CNTNAP4: variants seen among roughly 807,000 people sequenced by gnomAD.
The protein encoded by CNTNAP4 is contactin associated protein family member 4, also known as contactin-associated protein-like 4.
In CNTNAP4, 98 loss-of-function variants were observed where a neutral mutation model predicts 148.4. That is an observed-to-expected ratio of 0.66 (90% CI 0.56 to 0.78). The LOEUF is 0.78. CNTNAP4 is among the 30% of genes least tolerant of loss of function. The pLI is 0.00. For synonymous variants in CNTNAP4, 730 were observed against 565.1 expected (o/e 1.29, Z -4.14); for missense variants, 1,935 against 1,565.6 (o/e 1.24, Z -3.98).
At chr16:76,403,660 C>G (rs551579701) in intron 3 of CNTNAP4, among the ~76,000 whole-genome samples, 1 of 152,134 alleles carries the variant, frequency 6.6e-6, no homozygotes, top group Non-Finnish European at 1.5e-5. Context: ...GAGCTAAGAA[C>G]AGAACCACCA....
At chr16:76,310,370 A>G (rs1470225446) in intron 1 of CNTNAP4, among the ~76,000 whole-genome samples, 1 of 152,194 alleles carries the variant, frequency 6.6e-6, no homozygotes, top group Non-Finnish European at 1.5e-5. Flanking sequence ...ACATAATTCC[A>G]TACTTTCTTA....
At chr16:76,348,472 T>C (rs1965099873) in intron 2 of CNTNAP4, among the ~76,000 whole-genome samples, 1 of 151,966 alleles carries the variant, frequency 6.6e-6, no homozygotes, top group African/African-American at 2.4e-5. Flanking sequence ...AGAGCAAAGG[T>C]CTGAGACCTG....
intron 7 of CNTNAP4, 64 bp from the exon 8 acceptor site, chr16:76,452,444 A>T: frequency 6.5e-7 from 1 of 1,550,104 alleles, no homozygotes; most frequent in Non-Finnish European, 8.8e-7. Context: ...AGCAGCCTTC[A>T]AATTCTGTTA....
At position 76,539,843 on chromosome 16, in the gene CNTNAP4, C is replaced by G. The variant is rs201298653; in HGVS notation, c.3345C>G (p.Val1115=). Residue 1115 remains valine, a synonymous_variant, in exon 20 of 24, where the codon GTC becomes GTG. Coordinates refer to ENST00000611870, the MANE Select transcript of CNTNAP4 (RefSeq NM_033401.5). ...TGATTAACAGAGAAGAAGGAGTGGT[C>G]TTTATAGAGGTAATGTAGTAAATTC... ...HIMINREEGV[V]FIEIDDNRRR... 207 of 1,590,414 alleles carry G rather than the reference C, an allele frequency of 1.3e-4. 1 individual carries two copies. The African/African-American group carries it at 2.3e-3, about 18-fold the overall frequency.
At chr16:76,549,868 T>A (rs1555603842) in intron 21 of CNTNAP4, among the ~76,000 whole-genome samples, 3 of 152,054 alleles carry the variant, frequency 2.0e-5, no homozygotes, top group Non-Finnish European at 2.9e-5. Flanking sequence ...TCTAAGAGAA[T>A]AAAAAGGAAG....
chr16:76,552,664 AG>A, intron 21 of CNTNAP4, among the ~76,000 whole-genome samples: 1 of 152,180 alleles, frequency 6.6e-6, no homozygotes, highest in Non-Finnish European at 1.5e-5. Context: ...AGGGGTATAA[AG>A]GGTTTTATTG....
Position 76,320,652 on chromosome 16 carries a change from A to C in CNTNAP4, c.196+4129A>C, listed in dbSNP as rs16944208. On this transcript the variant is annotated intron_variant, in intron 2 of 23. Transcript: ENST00000611870. ...ATGGGCAATTTAAAGTTAAGTGTAC[A>C]TTGACTCTTAGTGTTGTCAATGTAG... Among the ~76,000 whole-genome samples the C allele has an allele frequency of 6.8e-3, 1,028 of 152,284 alleles. 8 individuals carry two copies. Among genetic ancestry groups the C allele is most frequent in the African/African-American group, 0.024 (996 of 41,562 alleles).
chr16:76,408,752 T>A (rs1053818018), intron 3 of CNTNAP4, among the ~76,000 whole-genome samples: 3 of 151,946 alleles, frequency 2.0e-5, no homozygotes, highest in Non-Finnish European at 4.4e-5. Flanking sequence ...ATTATTACTA[T>A]TTTTTTAACA....
At chr16:76,433,981 G>A (rs1328829820) in intron 4 of CNTNAP4, among the ~76,000 whole-genome samples, 1 of 151,572 alleles carries the variant, frequency 6.6e-6, no homozygotes, top group East Asian at 1.9e-4. Context: ...CAAGTGGAGT[G>A]TATTAGGGTT....
At chr16:76,406,207 A>G (rs539528882) in intron 3 of CNTNAP4, among the ~76,000 whole-genome samples, 3 of 152,302 alleles carry the variant, frequency 2.0e-5, no homozygotes, top group Non-Finnish European at 2.9e-5. Flanking sequence ...TTAAATTATT[A>G]TTATATGTTA....
At chr16:76,473,716 G>A (rs1382576865) in intron 10 of CNTNAP4, among the ~76,000 whole-genome samples, 2 of 152,134 alleles carry the variant, frequency 1.3e-5, no homozygotes, top group African/African-American at 4.8e-5. Flanking sequence ...GGAGCTTGCA[G>A]TGAGCCAAGA....
chr16:76,324,663 T>C (rs954156740), intron 2 of CNTNAP4, among the ~76,000 whole-genome samples: 1 of 152,096 alleles, frequency 6.6e-6, no homozygotes, highest in Non-Finnish European at 1.5e-5. Context: ...AATTTAGAAA[T>C]GTTAGCTGCC....
At position 76,425,952 on chromosome 16, in the gene CNTNAP4, A is replaced by G. The variant is rs111226359; in HGVS notation, c.391-1500A>G. Among the ~76,000 whole-genome samples, 1,137 of 152,302 alleles carry G rather than the reference A, an allele frequency of 7.5e-3. 16 individuals carry two copies. The highest frequency in any genetic ancestry group is 0.027 in the East Asian group (139 of 5,184). On this transcript the variant is annotated intron_variant, in intron 3 of 23. Transcript: ENST00000611870. ...AAGACATTGGGGGTGATGGCAAAGA[A>G]CAAAATAATAATAAAGACCAGGAAG... is the stretch of plus-strand genomic sequence containing the variant.
At chr16:76,445,132 G>A (rs1432573434) in intron 4 of CNTNAP4, among the ~76,000 whole-genome samples, 1 of 152,116 alleles carries the variant, frequency 6.6e-6, no homozygotes, top group Admixed American at 6.6e-5. Context: ...CCTAGTTTAT[G>A]GGGACAAGTT....
chr16:76,389,566 G>T (rs1336802723), intron 3 of CNTNAP4, among the ~76,000 whole-genome samples: 1 of 152,100 alleles, frequency 6.6e-6, no homozygotes. Flanking sequence ...CAATTCTCAT[G>T]CCTCGGCACC....
At chr16:76,337,688 C>A (rs1018936952) in intron 2 of CNTNAP4, among the ~76,000 whole-genome samples, 1 of 152,152 alleles carries the variant, frequency 6.6e-6, no homozygotes, top group Admixed American at 6.5e-5. Context: ...TCCTGGTAAG[C>A]CTGAGGGTAC....
chr16:76,439,327 T>A (rs2079951607), intron 4 of CNTNAP4, among the ~76,000 whole-genome samples: 1 of 131,800 alleles, frequency 7.6e-6, no homozygotes, highest in South Asian at 2.5e-4. Context: ...AAACGTGATT[T>A]CAAGTGTTGT....
rs1237162918 is a variant in CNTNAP4 at position 76,363,070 on chromosome 16, AAT to A, written c.390+7561_390+7562del. 3.3e-5 allele frequency among the ~76,000 whole-genome samples: 5 copies of A among 152,116 alleles called. No individual in the cohort carries two copies. The East Asian group carries it at 9.7e-4, about 29-fold the overall frequency. ...ACCCATGCTCTATTAAAAAAAAAAA[AAT>A]AGACAATGGGGAATGTATAGTCTCT... is the stretch of plus-strand genomic sequence containing the variant. On this transcript the variant is annotated intron_variant, in intron 3 of 23. Transcript: ENST00000611870.
At chr16:76,304,234 C>T (rs1229802734) in intron 1 of CNTNAP4, among the ~76,000 whole-genome samples, 2 of 152,116 alleles carry the variant, frequency 1.3e-5, no homozygotes, top group Admixed American at 6.6e-5. Flanking sequence ...TTAGCAGAGG[C>T]AGAACTTGAA....
Sources: allele counts gnomAD v4.1 joint callset (sites outside exome capture counted in the v4.1 genomes callset), GRCh38; gene constraint gnomAD v4.1.1; transcripts MANE v1.5; gene names NCBI Gene and HGNC (gene_info 2026-07-23, HGNC 2026-07-21).